DAPK1: variants seen among roughly 807,000 people sequenced by gnomAD.
The protein encoded by DAPK1 is death-associated protein kinase 1.
DAPK1 carries 56 observed loss-of-function variants against 144.9 expected under a neutral mutation model. The ratio of observed to expected loss-of-function variants is 0.39; its 90% confidence interval spans 0.31 to 0.48. The LOEUF (loss-of-function observed/expected upper bound fraction) is 0.48. DAPK1 is among the 20% of genes least tolerant of loss of function. DAPK1 has a pLI of 0.95. For synonymous variants in DAPK1, 690 were observed against 749.0 expected (o/e 0.92, Z 1.29); for missense variants, 1,454 against 1,875.4 (o/e 0.78, Z 4.15).
chr9:87,527,291 G>T (rs7861561), intron 2 of DAPK1, among the ~76,000 whole-genome samples: 117,195 of 152,044 alleles, frequency 0.77, 45,399 homozygotes, highest in Middle Eastern at 0.82. Flanking sequence ...GATCTTCTGC[G>T]CTAGGTTGAG....
At chr9:87,520,892 G>A (rs1444509169) in intron 2 of DAPK1, among the ~76,000 whole-genome samples, 2 of 152,164 alleles carry the variant, frequency 1.3e-5, no homozygotes, top group Non-Finnish European at 2.9e-5. Context: ...AACAAACTAT[G>A]TGCACTCTTT....
chr9:87,518,190 C>T (rs1402380062), intron 2 of DAPK1, among the ~76,000 whole-genome samples: 2 of 150,250 alleles, frequency 1.3e-5, no homozygotes, highest in African/African-American at 2.5e-5. Flanking sequence ...TGGCTCACTG[C>T]AACCTCCACC....
At chr9:87,619,653 C>T (rs1233990547) in intron 3 of DAPK1, among the ~76,000 whole-genome samples, 5 of 152,146 alleles carry the variant, frequency 3.3e-5, no homozygotes, top group African/African-American at 9.7e-5. Context: ...AGGATTGAGA[C>T]GCAGGACCAT....
At chr9:87,612,472 A>G (rs1365283985) in intron 3 of DAPK1, among the ~76,000 whole-genome samples, 1 of 152,096 alleles carries the variant, frequency 6.6e-6, no homozygotes, top group Non-Finnish European at 1.5e-5. Context: ...GATCCCTTAG[A>G]AGGACCATCC....
intron 10 of DAPK1, 131 bp downstream of exon 10, chr9:87,642,189 A>G: frequency 1.5e-6 from 1 of 667,606 alleles, no homozygotes; most frequent in Non-Finnish European, 2.6e-6. Context: ...TCCACCCTGT[A>G]GTGTTCTGCA....
At chr9:87,631,365 G>A (rs1829686510) in intron 3 of DAPK1, among the ~76,000 whole-genome samples, 1 of 152,156 alleles carries the variant, frequency 6.6e-6, no homozygotes, top group African/African-American at 2.4e-5. Context: ...GGCCCACTTT[G>A]TTTTTAATGT....
chr9:87,516,420 A>C (rs1413305532), intron 2 of DAPK1, among the ~76,000 whole-genome samples: 1 of 152,070 alleles, frequency 6.6e-6, no homozygotes. Context: ...AGCAGGCCTC[A>C]TGAGTCATGA....
chr9:87,641,916 C>T lies in DAPK1; in HGVS notation c.829-53C>T, dbSNP rs1206028438. 2.8e-5 allele frequency: 40 copies of T among 1,447,216 alleles called. 1 individual carries two copies. The Middle Eastern group carries it at 2.3e-3, about 84-fold the overall frequency. The allele number at this position is 1,447,216 out of a possible 1,614,324, so 89.6% of individuals were successfully genotyped here. On this transcript the variant is annotated intron_variant, in intron 9 of 25. Coordinates refer to ENST00000408954, the MANE Select transcript of DAPK1 (RefSeq NM_004938.4). ...GATGTTTCAAAAAATTGTCATATAACACATTTTCATAATTTGAGAGCTTTA... is the reference window on the plus strand; with the variant it reads ...GATGTTTCAAAAAATTGTCATATAATACATTTTCATAATTTGAGAGCTTTA...
At chr9:87,536,988 CTT>C (rs531877877) in intron 2 of DAPK1, among the ~76,000 whole-genome samples, 2 of 142,350 alleles carry the variant, frequency 1.4e-5, no homozygotes, top group African/African-American at 2.6e-5. Context: ...ATGAAGTTTT[CTT>C]TTTTTTTTTT....
intron 19 of DAPK1, among the ~76,000 whole-genome samples, chr9:87,673,224 C>A (rs1477423372): frequency 6.6e-6 from 1 of 152,194 alleles, no homozygotes; most frequent in Non-Finnish European, 1.5e-5. Flanking sequence ...CTACCACACT[C>A]TGCAAGAACC....
At chr9:87,691,235 G>C (rs1393900355) in intron 21 of DAPK1, among the ~76,000 whole-genome samples, 1 of 151,814 alleles carries the variant, frequency 6.6e-6, no homozygotes, top group African/African-American at 2.4e-5. Flanking sequence ...TAAATTATCT[G>C]TCTAGGAATT....
chr9:87,640,248 A>ACT, intron 7 of DAPK1, 50 bp from the exon 8 acceptor site: 1 of 1,560,264 alleles, frequency 6.4e-7, no homozygotes, highest in Non-Finnish European at 8.7e-7. Context: ...CAAAATGACA[A>ACT]CACCAAGGGG....
At chr9:87,665,004 T>C (rs1234128749) in intron 18 of DAPK1, among the ~76,000 whole-genome samples, 1 of 152,212 alleles carries the variant, frequency 6.6e-6, no homozygotes, top group Non-Finnish European at 1.5e-5. Context: ...TCCCCAGGTA[T>C]CCATGTGATT....
chr9:87,501,477 G>A (rs1173526417), intron 2 of DAPK1, among the ~76,000 whole-genome samples: 2 of 152,274 alleles, frequency 1.3e-5, no homozygotes, highest in African/African-American at 2.4e-5. Context: ...CCTGGGAGGC[G>A]GAGGTTGCAG....
intron 2 of DAPK1, among the ~76,000 whole-genome samples, chr9:87,535,360 A>G (rs4878096): frequency 0.29 from 44,676 of 151,974 alleles, 6,882 homozygotes; most frequent in Middle Eastern, 0.42. Flanking sequence ...TTTAGTGTTT[A>G]ATTCTAGTAT....
At chr9:87,654,225 C>T (rs1587815370) in intron 17 of DAPK1, among the ~76,000 whole-genome samples, 1 of 152,290 alleles carries the variant, frequency 6.6e-6, no homozygotes. Flanking sequence ...TACCAAACAA[C>T]ACAGACTATT....
intron 17 of DAPK1, among the ~76,000 whole-genome samples, chr9:87,652,760 C>T (rs3118843): frequency 5.2e-4 from 63 of 121,918 alleles, no homozygotes; most frequent in Middle Eastern, 5.7e-3. Flanking sequence ...CTGTGTCCTC[C>T]CACCTGATCC....
rs549594127 is a variant in DAPK1, at chr9:87,552,057, C to T, written c.63-52897C>T. Among the ~76,000 whole-genome samples, 38 of 141,666 alleles carry T rather than the reference C, an allele frequency of 2.7e-4. 1 individual carries two copies. The South Asian group carries it at 6.9e-3, about 26-fold the overall frequency. The allele number at this position is 141,666 out of a possible 152,430, so 92.9% of individuals were successfully genotyped here. On this transcript the variant is annotated intron_variant, in intron 2 of 25. Transcript: ENST00000408954. Reference sequence around the variant, plus strand: ...AAGTTCTAAACCAGCCAGCAGGCCTCGCGAGGCTGGCTCACCTTTCAGGCT... The same window carrying T: ...AAGTTCTAAACCAGCCAGCAGGCCTTGCGAGGCTGGCTCACCTTTCAGGCT...
intron 2 of DAPK1, among the ~76,000 whole-genome samples, chr9:87,535,236 T>A (rs1040606659): frequency 1.3e-5 from 2 of 152,032 alleles, no homozygotes; most frequent in Non-Finnish European, 2.9e-5. Flanking sequence ...TTAGCCCCCC[T>A]TTCGTTCTCT....
Sources: allele counts gnomAD v4.1 joint callset (sites outside exome capture counted in the v4.1 genomes callset), GRCh38; gene constraint gnomAD v4.1.1; transcripts MANE v1.5; gene names NCBI Gene and HGNC (gene_info 2026-07-23, HGNC 2026-07-21).